ABR: variants seen among roughly 807,000 people sequenced by gnomAD.
The protein encoded by ABR is ABR activator of RhoGEF and GTPase.
ABR carries 35 observed loss-of-function variants against 107.2 expected under a neutral mutation model. The ratio of observed to expected loss-of-function variants is 0.33; its 90% confidence interval spans 0.25 to 0.43. The LOEUF (loss-of-function observed/expected upper bound fraction) is 0.43, where lower values mean the gene tolerates loss of function less well. ABR is among the 20% of genes least tolerant of loss of function. The pLI, the probability that ABR is intolerant of heterozygous loss-of-function variation, is 1.00. For synonymous variants in ABR, 498 were observed against 462.0 expected, an observed-to-expected ratio of 1.08 and a Z score of -1.00; for missense variants, 815 against 1,115.2, an observed-to-expected ratio of 0.73 and a Z score of 3.83.
chr17:1,061,735 C>T lies in ABR; in HGVS notation c.1183-2868G>A, dbSNP rs147308386. Among the ~76,000 whole-genome samples, 985 of 152,162 alleles carry T rather than the reference C, an allele frequency of 6.5e-3. 16 individuals carry two copies. The highest frequency in any genetic ancestry group is 0.022 in the African/African-American group (925 of 41,510). Reference sequence around the variant, plus strand: ...CTAACTTTTGTATTTTTCATAGAGACGGGGCTTCATGATGTTGGCCAGGCT... The same window carrying T: ...CTAACTTTTGTATTTTTCATAGAGATGGGGCTTCATGATGTTGGCCAGGCT... On this transcript the variant is annotated intron_variant, in intron 10 of 22. Coordinates refer to ENST00000302538, the MANE Select transcript of ABR (RefSeq NM_021962.5).
chr17:1,130,504 C>T (rs2039779677), intron 1 of ABR, among the ~76,000 whole-genome samples: 1 of 152,114 alleles, frequency 6.6e-6, no homozygotes, highest in African/African-American at 2.4e-5. Context: ...CAGCTCAAGG[C>T]CCTTTGTGGT....
intron 1 of ABR, among the ~76,000 whole-genome samples, chr17:1,153,254 G>C (rs1427105035): frequency 6.6e-6 from 1 of 152,082 alleles, no homozygotes; most frequent in Non-Finnish European, 1.5e-5. Context: ...AAGGCCCCCT[G>C]ACACTACATG....
In ABR at chr17:1,044,740, G is replaced by A. The variant is rs754272340; in HGVS notation, c.1791+5310C>T. Among the ~76,000 whole-genome samples the A allele has an allele frequency of 4.6e-5, 7 of 151,498 alleles. No individual in the cohort carries two copies. The East Asian group carries it at 1.2e-3, about 25-fold the overall frequency. Reference sequence around the variant, plus strand: ...CTACTGGCCTTGCTTGCAGCTCCCCGCCACCCCTGCTGAGGCTCCTGACTT... The same window carrying A: ...CTACTGGCCTTGCTTGCAGCTCCCCACCACCCCTGCTGAGGCTCCTGACTT... On this transcript the variant is annotated intron_variant, in intron 16 of 22. Coordinates refer to ENST00000302538, the MANE Select transcript of ABR (RefSeq NM_021962.5).
intron 1 of ABR, among the ~76,000 whole-genome samples, chr17:1,168,636 A>G (rs777400828): frequency 6.6e-6 from 1 of 152,232 alleles, no homozygotes; most frequent in Non-Finnish European, 1.5e-5. Flanking sequence ...AAAATGGTCT[A>G]GCACAGCCAC....
chr17:1,182,827 A>G (rs2042177933), upstream of ABR, among the ~76,000 whole-genome samples: 1 of 152,166 alleles, frequency 6.6e-6, no homozygotes, highest in South Asian at 2.1e-4. Context: ...TCTGTCTCAG[A>G]CAACGTGTCT....
chr17:1,080,764 C>T (rs919681379), intron 5 of ABR, among the ~76,000 whole-genome samples: 463 of 10,382 alleles, frequency 0.045, no homozygotes, highest in Non-Finnish European at 0.075. Flanking sequence ...TTTTGGGGGG[C>T]GGGGGGGTGG....
intron 1 of ABR, among the ~76,000 whole-genome samples, chr17:1,223,241 G>A (rs2043150786): frequency 6.6e-6 from 1 of 151,590 alleles, no homozygotes; most frequent in South Asian, 2.1e-4. Flanking sequence ...GGGCTTGGTG[G>A]CGGGCACCAG....
Position 1,010,070 on chromosome 17 carries a change from C to G in ABR, c.2237-286G>C, listed in dbSNP as rs1056433694. 3.8e-6 allele frequency: 2 copies of G among 529,310 alleles called. No homozygotes were observed. Among genetic ancestry groups the G allele is most frequent in the Admixed American group, 6.3e-5 (2 of 31,974 alleles). 32.8% of individuals were successfully genotyped at this position (529,310 alleles called of 1,614,324 possible). A position where few individuals can be genotyped will look rare whatever the true frequency, so the allele number is the denominator to read the frequency against. The stretch of plus-strand genomic sequence containing the variant: ...TTGGGTGCTGGGGCATCCCCTGTCT[C>G]GTAACAGGACACCCCCTGGTCTGTG... On this transcript the variant is annotated intron_variant, in intron 20 of 22. Transcript: ENST00000302538. This position sits in a 1 kb window ranked among gnomAD's most constrained non-coding sequence, Gnocchi z 4.1.
Position 1,050,028 on chromosome 17 carries a change from C to G in ABR, c.1791+22G>C. 1 of 1,606,872 alleles carries G rather than the reference C, an allele frequency of 6.2e-7. No individual in the cohort carries two copies. Among genetic ancestry groups the G allele is most frequent in the Non-Finnish European group, 8.5e-7 (1 of 1,177,382 alleles). ...CACCTCCTGGAGGCTCCCTCAGCCT[C>G]GCCCCGGCGCCCTGGCCTCACCTGG... is the stretch of plus-strand genomic sequence containing the variant. On this transcript the variant is annotated intron_variant, in intron 16 of 22. Coordinates refer to ENST00000302538, the MANE Select transcript of ABR (RefSeq NM_021962.5). This position sits in a 1 kb window ranked among gnomAD's most constrained non-coding sequence, Gnocchi z 4.6.
At chr17:1,184,047 C>T (rs993946948), upstream of ABR, among the ~76,000 whole-genome samples, 1 of 151,810 alleles carries the variant, frequency 6.6e-6, no homozygotes, top group Admixed American at 6.6e-5. Flanking sequence ...CCCGTCTCTA[C>T]TAAAAACACA....
At position 1,027,945 on chromosome 17, in the gene ABR, C is replaced by G. The variant is rs1490711197; in HGVS notation, c.1792-14781G>C. ...ATCTTGTACCCAGCACCTGTGTACC[C>G]TCGATGGCCAAGTGAGTGGTAGAGT... On this transcript the variant is annotated intron_variant, in intron 16 of 22. Coordinates refer to ENST00000302538, the MANE Select transcript of ABR (RefSeq NM_021962.5). The surrounding 1 kb of genome is among the most constrained non-coding windows in gnomAD (Gnocchi z 4.7). Among the ~76,000 whole-genome samples the G allele has an allele frequency of 2.6e-5, 4 of 152,056 alleles. No homozygotes were observed. The highest frequency in any genetic ancestry group is 4.4e-5 in the Non-Finnish European group (3 of 68,008).
intron 16 of ABR, among the ~76,000 whole-genome samples, chr17:1,041,181 G>A (rs937698078): frequency 1.3e-5 from 2 of 152,014 alleles, no homozygotes; most frequent in African/African-American, 4.8e-5. Context: ...GCCTCCTAAA[G>A]TGCTGGGATT....
intron 1 of ABR, among the ~76,000 whole-genome samples, chr17:1,147,491 G>T (rs1369652553): frequency 1.3e-5 from 2 of 151,966 alleles, no homozygotes; most frequent in Non-Finnish European, 2.9e-5. Context: ...CTCCTGAGTA[G>T]CTGGGATTAC....
At chr17:1,061,480 G>C (rs1161579620) in intron 10 of ABR, among the ~76,000 whole-genome samples, 1 of 152,174 alleles carries the variant, frequency 6.6e-6, no homozygotes, top group East Asian at 1.9e-4. Context: ...GGAGATGCTT[G>C]AGTTGAAAGG....
At chr17:1,181,680 G>A (rs1027708844), upstream of ABR, among the ~76,000 whole-genome samples, 1 of 152,198 alleles carries the variant, frequency 6.6e-6, no homozygotes, top group Non-Finnish European at 1.5e-5. Context: ...CGCGAGGCCG[G>A]AGGAGCCATG....
chr17:1,068,831 C>T (rs1167664858), intron 9 of ABR, among the ~76,000 whole-genome samples: 1 of 152,206 alleles, frequency 6.6e-6, no homozygotes, highest in Non-Finnish European at 1.5e-5. Flanking sequence ...TTACCTTCTC[C>T]AAGACTCCTC....
intron 2 of ABR, among the ~76,000 whole-genome samples, chr17:1,115,108 G>A (rs1040937240): frequency 2.0e-5 from 3 of 152,310 alleles, no homozygotes; most frequent in Non-Finnish European, 4.4e-5. Flanking sequence ...CCCCATAGGC[G>A]AAGGGAAGGT....
intron 1 of ABR, among the ~76,000 whole-genome samples, chr17:1,127,906 CG>C (rs2039668423): frequency 6.6e-6 from 1 of 152,184 alleles, no homozygotes; most frequent in South Asian, 2.1e-4. Context: ...GGATGTTCCG[CG>C]GGGAGGCAGT....
intron 11 of ABR, among the ~76,000 whole-genome samples, chr17:1,058,480 G>A (rs2151080703): frequency 6.6e-6 from 1 of 152,304 alleles, no homozygotes; most frequent in South Asian, 2.1e-4. Context: ...CCTTGCAGGA[G>A]GAGGCAGCTG....
Sources: allele counts gnomAD v4.1 joint callset (sites outside exome capture counted in the v4.1 genomes callset), GRCh38; gene constraint gnomAD v4.1.1; non-coding constraint Gnocchi (gnomAD v3.1); transcripts MANE v1.5; gene names NCBI Gene and HGNC (gene_info 2026-07-23, HGNC 2026-07-21).